Variants in PCDHGA9 observed in about 807,000 individuals in gnomAD.
PCDHGA9 encodes the protein protocadherin gamma-A9.
A neutral mutation model predicts 62.5 loss-of-function variants in PCDHGA9; 37 were observed. That is an observed-to-expected ratio of 0.59 (90% CI 0.46 to 0.78). PCDHGA9 has a LOEUF of 0.78. Ranked by LOEUF, PCDHGA9 falls within the 30% of genes least tolerant of loss-of-function variation. PCDHGA9 has a pLI of 0.00. For missense variants in PCDHGA9, 1,138 were observed against 1,166.2 expected (o/e 0.98, Z 0.35); for synonymous variants, 459 against 484.6 (o/e 0.95, Z 0.69).
intron 1 of PCDHGA9, among the ~76,000 whole-genome samples, chr5:141,447,493 T>A (rs538320272): frequency 3.3e-5 from 5 of 152,186 alleles, no homozygotes; most frequent in East Asian, 1.9e-4. Flanking sequence ...AGAAGGAATG[T>A]TTAGGATAAA....
In PCDHGA9 at chr5:141,432,596, G is replaced by T; in HGVS notation, c.2424+27220G>T. On this transcript the variant is annotated intron_variant, in intron 1 of 3. Transcript: ENST00000573521. This position sits in a 1 kb window ranked among gnomAD's most constrained non-coding sequence, Gnocchi z 6.0. The stretch of plus-strand genomic sequence containing the variant: ...GTCCTACCGTCTGCTCAAGGCCAGC[G>T]AGCCGGGACTCTTCTCGGTGGGTCT... 6.8e-6 allele frequency: 11 copies of T among 1,613,926 alleles called. No individual in the cohort carries two copies. The highest frequency in any genetic ancestry group is 9.3e-6 in the Non-Finnish European group (11 of 1,179,972).
In PCDHGA9 at chr5:141,404,146, A is replaced by G; in HGVS notation, c.1194A>G (p.Glu398=). The G allele has an allele frequency of 1.2e-6, 2 of 1,613,058 alleles. No homozygotes were observed. The highest frequency in any genetic ancestry group is 1.7e-6 in the Non-Finnish European group (2 of 1,179,358). The change falls in exon 1 of 4, where the codon GAA becomes GAG. Residue 398 remains glutamate (E), a synonymous_variant. Coordinates refer to ENST00000573521, the MANE Select transcript of PCDHGA9 (RefSeq NM_018921.3). ...ENLSFTLENS[E]EDYYRLLTAQ... is the part of the protein sequence containing the mutation. ...TATCTTTTACATTAGAAAATTCAGA[A>G]GAAGATTATTACAGATTGTTGACGG...
Position 141,485,294 on chromosome 5 carries a change from G to A in PCDHGA9, c.2425-9513G>A, listed in dbSNP as rs2099611126. Reference sequence around the variant, plus strand: ...CTACCCGGTCCCAGAGGAGTCACAGGAAGGGACTTTTGTAGGGAATGTCGC... The same window carrying A: ...CTACCCGGTCCCAGAGGAGTCACAGAAAGGGACTTTTGTAGGGAATGTCGC... On this transcript the variant is annotated intron_variant, in intron 1 of 3. Coordinates refer to ENST00000573521, the MANE Select transcript of PCDHGA9 (RefSeq NM_018921.3). The surrounding 1 kb of genome is among the most constrained non-coding windows in gnomAD (Gnocchi z 5.7). The A allele has an allele frequency of 6.2e-7, 1 of 1,614,044 alleles. No homozygotes were observed. Among genetic ancestry groups the A allele is most frequent in the Non-Finnish European group, 8.5e-7 (1 of 1,179,988 alleles).
rs142590218 is a variant in PCDHGA9, at chr5:141,489,982, C to T, written c.2425-4825C>T. On this transcript the variant is annotated intron_variant, in intron 1 of 3. Coordinates refer to ENST00000573521, the MANE Select transcript of PCDHGA9 (RefSeq NM_018921.3). This position sits in a 1 kb window ranked among gnomAD's most constrained non-coding sequence, Gnocchi z 4.5. ...TCCAACCTTCCAATCCTCAGTTCTA[C>T]GTGTGGGAATCCCAGAGAATGCACC... The T allele has an allele frequency of 2.9e-5, 47 of 1,614,010 alleles. No individual in the cohort carries two copies. The highest frequency in any genetic ancestry group is 3.7e-5 in the Non-Finnish European group (44 of 1,179,964).
chr5:141,414,540 C>G, intron 1 of PCDHGA9: 1 of 1,613,948 alleles, frequency 6.2e-7, no homozygotes. Flanking sequence ...ACCCACCTAC[C>G]TTCTCTCAAG....
chr5:141,418,085 A>C lies in PCDHGA9; in HGVS notation c.2424+12709A>C, dbSNP rs1235378254. On this transcript the variant is annotated intron_variant, in intron 1 of 3. Transcript: ENST00000573521. The stretch of plus-strand genomic sequence containing the variant: ...AGTGAGCGCGGAGAAGCTGCACTTC[A>C]GCGTAGACGCGCAGAGCGGGGACTT... The C allele has an allele frequency of 2.5e-6, 4 of 1,613,936 alleles. No homozygotes were observed. The highest frequency in any genetic ancestry group is 3.4e-6 in the Non-Finnish European group (4 of 1,179,908).
At chr5:141,459,910 A>G (rs2098977946) in intron 1 of PCDHGA9, among the ~76,000 whole-genome samples, 2 of 152,042 alleles carry the variant, frequency 1.3e-5, no homozygotes, top group Non-Finnish European at 1.5e-5. Context: ...GAGCTATGGG[A>G]GTTTTAAAAT....
intron 1 of PCDHGA9, chr5:141,421,565 A>T (rs1373619696): frequency 1.2e-6 from 2 of 1,613,834 alleles, no homozygotes; most frequent in Admixed American, 3.3e-5. Context: ...CTCGTGGAAG[A>T]CACCTTGAAG....
At chr5:141,454,837 G>A (rs1269424734) in intron 1 of PCDHGA9, among the ~76,000 whole-genome samples, 4 of 90,354 alleles carry the variant, frequency 4.4e-5, no homozygotes, top group East Asian at 6.5e-4. Flanking sequence ...AGACAGAGTC[G>A]CGCTCTGTCA....
At position 141,403,229 on chromosome 5, in the gene PCDHGA9, G is replaced by C; in HGVS notation, c.277G>C (p.Glu93Gln). ...GGTCACCGCGGGTAGGATAGACCGG[G>C]AGGAGCTCTGTGCTCAGAGCCCGCG... ...TLVTAGRIDR[E>Q]ELCAQSPRCL... The change falls in exon 1 of 4, where the codon GAG becomes CAG. Residue 93 changes from glutamate to glutamine, a missense_variant. Transcript: ENST00000573521. 6.2e-7 allele frequency: 1 copy of C among 1,613,950 alleles called. No homozygotes were observed. Among genetic ancestry groups the C allele is most frequent in the Non-Finnish European group, 8.5e-7 (1 of 1,179,912 alleles).
At chr5:141,452,635 T>C (rs1426970634) in intron 1 of PCDHGA9, among the ~76,000 whole-genome samples, 1 of 152,086 alleles carries the variant, frequency 6.6e-6, no homozygotes, top group Non-Finnish European at 1.5e-5. Context: ...GCTATGAATA[T>C]ATTTACTCAT....
chr5:141,420,826 C>G (rs1246534925), intron 1 of PCDHGA9, among the ~76,000 whole-genome samples: 1 of 152,216 alleles, frequency 6.6e-6, no homozygotes, highest in Non-Finnish European at 1.5e-5. Flanking sequence ...AATAATTACT[C>G]CTTTCGCAGG....
In PCDHGA9 at chr5:141,485,701, A is replaced by G. The variant is rs747748476; in HGVS notation, c.2425-9106A>G. The G allele has an allele frequency of 1.9e-6, 3 of 1,614,104 alleles. No homozygotes were observed. Among genetic ancestry groups the G allele is most frequent in the Non-Finnish European group, 2.5e-6 (3 of 1,180,010 alleles). On this transcript the variant is annotated intron_variant, in intron 1 of 3. Transcript: ENST00000573521. The surrounding 1 kb of genome is among the most constrained non-coding windows in gnomAD (Gnocchi z 5.7). ...GCAGCTATAGGCTGAGCTCCAATGAACACTTTGCACTGGATGTGAAGAAGC... is the reference window on the plus strand; with the variant it reads ...GCAGCTATAGGCTGAGCTCCAATGAGCACTTTGCACTGGATGTGAAGAAGC...
Position 141,486,886 on chromosome 5 carries a change from G to A in PCDHGA9, c.2425-7921G>A. The A allele has an allele frequency of 1.9e-6, 3 of 1,614,222 alleles. No individual in the cohort carries two copies. The highest frequency in any genetic ancestry group is 2.5e-6 in the Non-Finnish European group (3 of 1,180,044). ...CAGCTGTGCTCCGTCCTCGGGCCCGGCCTGGTTCCTTATGTCCCCAAGCAC... is the reference window on the plus strand; with the variant it reads ...CAGCTGTGCTCCGTCCTCGGGCCCGACCTGGTTCCTTATGTCCCCAAGCAC... On this transcript the variant is annotated intron_variant, in intron 1 of 3. Coordinates refer to ENST00000573521, the MANE Select transcript of PCDHGA9 (RefSeq NM_018921.3). This position sits in a 1 kb window ranked among gnomAD's most constrained non-coding sequence, Gnocchi z 5.0.
chr5:141,402,966 C>G lies in PCDHGA9; in HGVS notation c.14C>G (p.Thr5Ser), dbSNP rs749578447. The part of the protein sequence containing the change: MAAP[T>S]KCQLRGRLVL... ...AGCGAGGCAGCAATGGCAGCTCCAA[C>G]CAAATGCCAGCTCCGCGGAAGATTA... is the stretch of plus-strand genomic sequence containing the variant. Residue 5 changes from threonine (T) to serine (S), a missense_variant, in exon 1 of 4, where the codon ACC (threonine) becomes AGC (serine). Physicochemically the swap from Thr to Ser is moderately conservative, Grantham distance 58. Transcript: ENST00000573521. 6.8e-6 allele frequency: 11 copies of G among 1,605,942 alleles called. No homozygotes were observed. Among genetic ancestry groups the G allele is most frequent in the Non-Finnish European group, 8.5e-6 (10 of 1,175,812 alleles).
At chr5:141,419,504 C>A in intron 1 of PCDHGA9, 1 of 1,612,298 alleles carries the variant, frequency 6.2e-7, no homozygotes, top group Non-Finnish European at 8.5e-7. Flanking sequence ...TGTGAGCCTG[C>A]GCGTGTTGGT....
chr5:141,456,098 C>T (rs1222639126), intron 1 of PCDHGA9, among the ~76,000 whole-genome samples: 2 of 151,980 alleles, frequency 1.3e-5, no homozygotes, highest in Non-Finnish European at 2.9e-5. Flanking sequence ...GGGATTTCAC[C>T]GTGTTAGCCA....
chr5:141,486,030 C>A lies in PCDHGA9; in HGVS notation c.2425-8777C>A. The A allele has an allele frequency of 6.2e-7, 1 of 1,614,164 alleles. No homozygotes were observed. The highest frequency in any genetic ancestry group is 8.5e-7 in the Non-Finnish European group (1 of 1,180,012). ...ACCTTTTATTTCAGTGGTCATACCC[C>A]TGATCGTGTAAGAAACCTCTTTAGC... On this transcript the variant is annotated intron_variant, in intron 1 of 3. Coordinates refer to ENST00000573521, the MANE Select transcript of PCDHGA9 (RefSeq NM_018921.3). The surrounding 1 kb of genome is among the most constrained non-coding windows in gnomAD (Gnocchi z 5.0).
chr5:141,463,184 T>A (rs62379194), intron 1 of PCDHGA9, among the ~76,000 whole-genome samples: 5,135 of 152,236 alleles, frequency 0.034, 100 homozygotes, highest in Middle Eastern at 0.088. Context: ...CTCAGATTAT[T>A]ATTTAGCCAA....
Sources: gnomAD v4.1 joint callset for allele counts (sites outside exome capture counted in the v4.1 genomes callset) on GRCh38, gnomAD v4.1.1 for gene constraint, Gnocchi (gnomAD v3.1) non-coding constraint, MANE v1.5 for transcripts, NCBI Gene and HGNC (gene_info 2026-07-23, HGNC 2026-07-21) for gene names.